Variants in SLC6A17 observed in about 807,000 individuals in gnomAD.
SLC6A17 encodes sodium-dependent neutral amino acid transporter SLC6A17.
Under a neutral mutation model 64.5 loss-of-function variants are expected in SLC6A17, and 21 were observed. That is an observed-to-expected ratio of 0.33 (90% CI 0.23 to 0.47). The LOEUF is 0.47. Among genes scored for constraint, SLC6A17 ranks in the 20% least tolerant of loss-of-function variants. SLC6A17 has a pLI of 1.00. For missense variants in SLC6A17, 682 were observed against 963.2 expected, an observed-to-expected ratio of 0.71 and a Z score of 3.86; for synonymous variants, 372 against 399.5, an observed-to-expected ratio of 0.93 and a Z score of 0.82.
At chr1:110,190,987 C>T (rs972599073) in intron 6 of SLC6A17, among the ~76,000 whole-genome samples, 3 of 152,294 alleles carry the variant, frequency 2.0e-5, no homozygotes, top group Non-Finnish European at 2.9e-5. Context: ...CCTGCACCCC[C>T]GCAAAACACA....
intron 1 of SLC6A17, among the ~76,000 whole-genome samples, chr1:110,158,594 C>A (rs766927306): frequency 6.6e-6 from 1 of 152,216 alleles, no homozygotes; most frequent in Non-Finnish European, 1.5e-5. Context: ...GACAACCCTA[C>A]GAGGTGTAGC....
At chr1:110,166,687 G>T in intron 1 of SLC6A17, 156 bp from the exon 2 acceptor site, 1 of 419,318 alleles carries the variant, frequency 2.4e-6, no homozygotes, top group Non-Finnish European at 4.3e-6. Flanking sequence ...CTCCTCACCG[G>T]GCAGCCCCTG....
rs139605722 is a variant in SLC6A17 at position 110,161,076 on chromosome 1, G to A, written c.-87-5767G>A. ...GTGTGGGGTCCCTGCCTGTGTCCTG[G>A]GCCAGCAGCATCCAGGGGCAGCAGC... On this transcript the variant is annotated intron_variant, in intron 1 of 11. Transcript: ENST00000331565. Among the ~76,000 whole-genome samples, 29 of 152,228 alleles carry A rather than the reference G, an allele frequency of 1.9e-4. No individual in the cohort carries two copies. In the East Asian group the frequency reaches 4.8e-3, roughly 25 times the overall value.
chr1:110,191,507 G>A (rs1571000930), intron 6 of SLC6A17, among the ~76,000 whole-genome samples: 3 of 152,252 alleles, frequency 2.0e-5, no homozygotes, highest in African/African-American at 4.8e-5. Flanking sequence ...GTTTGAGGTG[G>A]AGAAGGCGTC....
intron 10 of SLC6A17, among the ~76,000 whole-genome samples, chr1:110,196,336 T>C (rs1474740639): frequency 6.6e-6 from 1 of 152,226 alleles, no homozygotes; most frequent in East Asian, 1.9e-4. Context: ...GCATCGACCA[T>C]GACCACATTG....
chr1:110,171,599 A>C (rs1437926058), intron 2 of SLC6A17, among the ~76,000 whole-genome samples: 1 of 151,722 alleles, frequency 6.6e-6, no homozygotes, highest in East Asian at 1.9e-4. Context: ...TCTGGTTCAG[A>C]CGCTGGGAAG....
At position 110,200,349 on chromosome 1, in the gene SLC6A17, G is replaced by T. The variant is rs573575119; in HGVS notation, c.*1905G>T. On this transcript the variant is annotated 3_prime_UTR_variant, in exon 12 of 12. Transcript: ENST00000331565. ...ATCTCCCCAAAGAGATGAGCTTTTG[G>T]GGCACAACATCCCACCGCAGTCCCC... is the stretch of plus-strand genomic sequence containing the variant. The T allele has an allele frequency of 2.5e-5, 9 of 365,404 alleles. No individual in the cohort carries two copies. The South Asian group carries it at 1.3e-3, about 55-fold the overall frequency. The allele number at this position is 365,404 out of a possible 1,614,324, so 22.6% of individuals were successfully genotyped here. A position where few individuals can be genotyped will look rare whatever the true frequency, so the allele number is the denominator to read the frequency against.
intron 3 of SLC6A17, 63 bp from the exon 4 acceptor site, chr1:110,173,910 G>GAT: frequency 2.6e-6 from 4 of 1,532,688 alleles, no homozygotes; most frequent in Admixed American, 1.9e-5. Context: ...GCCTCGGGTG[G>GAT]AGCGTGGGGG....
chr1:110,172,184 C>A lies in SLC6A17; in HGVS notation c.411C>A (p.Pro137=). ...TCGGTGTGTGGCACTATATATGTCC[C>A]CGCCTGGGGGGCATCGGCTTCTCCA... is the stretch of plus-strand genomic sequence containing the variant. ...GSIGVWHYIC[P]RLGGIGFSSC... The change falls in exon 3 of 12, where the codon CCC becomes CCA. Residue 137 remains proline (P), a synonymous_variant. Coordinates refer to ENST00000331565, the MANE Select transcript of SLC6A17 (RefSeq NM_001010898.4). 1 of 1,606,358 alleles carries A rather than the reference C, an allele frequency of 6.2e-7. No homozygotes were observed. Among genetic ancestry groups the A allele is most frequent in the Non-Finnish European group, 8.5e-7 (1 of 1,176,508 alleles).
intron 6 of SLC6A17, among the ~76,000 whole-genome samples, chr1:110,189,086 G>T (rs566596486): frequency 6.6e-6 from 1 of 152,236 alleles, no homozygotes; most frequent in South Asian, 2.1e-4. Flanking sequence ...GCAGGCTTTT[G>T]CTTCTTATCC....
At chr1:110,178,205 A>T (rs572420807) in intron 6 of SLC6A17, 2 of 152,210 alleles carry the variant, frequency 1.3e-5, no homozygotes, top group Non-Finnish European at 2.9e-5. Flanking sequence ...CTACTTTACT[A>T]AACTTTAGGA....
At position 110,166,905 on chromosome 1, in the gene SLC6A17, G is replaced by A; in HGVS notation, c.-25G>A. 2 of 1,585,082 alleles carry A rather than the reference G, an allele frequency of 1.3e-6. No homozygotes were observed. The highest frequency in any genetic ancestry group is 1.7e-6 in the Non-Finnish European group (2 of 1,161,972). The stretch of plus-strand genomic sequence containing the variant: ...CATCTTCTCTGTGTGCTGGGGAGCA[G>A]GGCTACACGGCCCAGGTGGCATCAA... On this transcript the variant is annotated 5_prime_UTR_variant, in exon 2 of 12. Transcript: ENST00000331565.
At chr1:110,197,296 A>G in intron 10 of SLC6A17, 141 bp from the exon 11 acceptor site, 3 of 1,146,696 alleles carry the variant, frequency 2.6e-6, no homozygotes, top group South Asian at 3.0e-5. Flanking sequence ...ACCACACACA[A>G]TGAGCACTGA....
chr1:110,173,936 T>G, intron 3 of SLC6A17, 37 bp from the exon 4 acceptor site: 4 of 1,589,948 alleles, frequency 2.5e-6, no homozygotes, highest in East Asian at 2.3e-5. Context: ...TGGAGTTGCC[T>G]GCAGCCTCAG....
chr1:110,166,845 C>A lies in SLC6A17; in HGVS notation c.-85C>A. ...TTACTGCTCACCTGGTTTCCTAGGT[C>A]CCTGAATGAGAAGGAGCTGACAGCA... On this transcript the variant is annotated splice_region_variant and 5_prime_UTR_variant, in exon 2 of 12. Transcript: ENST00000331565. 1 of 1,486,214 alleles carries A rather than the reference C, an allele frequency of 6.7e-7. No homozygotes were observed. The allele number at this position is 1,486,214 out of a possible 1,614,324, so 92.1% of individuals were successfully genotyped here. A position where few individuals can be genotyped will look rare whatever the true frequency, so the allele number is the denominator to read the frequency against.
At chr1:110,153,884 T>C (rs1655679181) in intron 1 of SLC6A17, among the ~76,000 whole-genome samples, 1 of 148,762 alleles carries the variant, frequency 6.7e-6, no homozygotes, top group South Asian at 2.1e-4. Flanking sequence ...AGCACCAGGA[T>C]GGGGGAAAAA....
chr1:110,179,858 G>T (rs2101851212), intron 6 of SLC6A17, among the ~76,000 whole-genome samples: 1 of 152,234 alleles, frequency 6.6e-6, no homozygotes, highest in African/African-American at 2.4e-5. Context: ...TGGCCTTGGG[G>T]TGCTTCTTTC....
chr1:110,195,779 G>A, intron 10 of SLC6A17, 34 bp downstream of exon 10: 1 of 1,612,886 alleles, frequency 6.2e-7, no homozygotes. Context: ...TGGGATGGGA[G>A]GAGGGGTCTG....
chr1:110,165,351 C>A (rs1049679425), intron 1 of SLC6A17, among the ~76,000 whole-genome samples: 2 of 152,162 alleles, frequency 1.3e-5, no homozygotes, highest in Non-Finnish European at 1.5e-5. Context: ...TTCAACTGAC[C>A]CACTGGGAAG....
Sources: allele counts gnomAD v4.1 joint callset (sites outside exome capture counted in the v4.1 genomes callset), GRCh38; gene constraint gnomAD v4.1.1; transcripts MANE v1.5; gene names NCBI Gene and HGNC (gene_info 2026-07-23, HGNC 2026-07-21).